Variants in NOBOX observed in about 807,000 individuals in gnomAD.
The protein encoded by NOBOX is homeobox protein NOBOX.
Under a neutral mutation model 60.2 loss-of-function variants are expected in NOBOX, and 46 were observed. That is an observed-to-expected ratio of 0.76 (90% CI 0.60 to 0.98). The LOEUF (loss-of-function observed/expected upper bound fraction) is 0.98, where lower values mean the gene tolerates loss of function less well. Among genes scored for constraint, NOBOX ranks in the 50% least tolerant of loss-of-function variants. The pLI is 0.00. For synonymous variants in NOBOX, 360 were observed against 346.3 expected, an observed-to-expected ratio of 1.04 and a Z score of -0.44; for missense variants, 880 against 865.5, an observed-to-expected ratio of 1.02 and a Z score of -0.21.
intron 1 of NOBOX, among the ~76,000 whole-genome samples, chr7:144,407,436 G>A (rs993475456): frequency 8.5e-5 from 13 of 152,322 alleles, no homozygotes; most frequent in South Asian, 4.1e-4. Flanking sequence ...CAGGGAGATC[G>A]TAGTCACAGC....
chr7:144,407,319 A>G (rs1398424588), intron 1 of NOBOX, among the ~76,000 whole-genome samples: 1 of 152,206 alleles, frequency 6.6e-6, no homozygotes, highest in Non-Finnish European at 1.5e-5. Flanking sequence ...TCTATGGGCC[A>G]CACCCCAGTG....
At chr7:144,408,481 C>T (rs1332794090) in intron 1 of NOBOX, among the ~76,000 whole-genome samples, 1 of 152,144 alleles carries the variant, frequency 6.6e-6, no homozygotes, top group African/African-American at 2.4e-5. Context: ...CTATTCAGGC[C>T]CGGTGCTTTC....
At chr7:144,398,904 C>T (rs2053914666) in intron 8 of NOBOX, 46 bp downstream of exon 6, 5 of 1,069,094 alleles carry the variant, frequency 4.7e-6, no homozygotes, top group Non-Finnish European at 7.0e-6. Flanking sequence ...CACCCCCCTA[C>T]CCCCACCCAG....
At chr7:144,407,701 G>T (rs1359227850) in intron 1 of NOBOX, among the ~76,000 whole-genome samples, 1 of 152,238 alleles carries the variant, frequency 6.6e-6, no homozygotes, top group African/African-American at 2.4e-5. Flanking sequence ...GCCCAGAAAA[G>T]GATGGTTTCA....
At chr7:144,408,940 A>T (rs567445349) in intron 1 of NOBOX, among the ~76,000 whole-genome samples, 15 of 152,234 alleles carry the variant, frequency 9.9e-5, no homozygotes, top group Non-Finnish European at 2.2e-4. Context: ...GTGAAATCTG[A>T]GTAAGGTCAC....
Position 144,404,574 on chromosome 7 carries a change from A to G in NOBOX, c.192T>C (p.Ala64=), listed in dbSNP as rs776226303. The G allele has an allele frequency of 6.2e-7, 1 of 1,613,446 alleles. No homozygotes were observed. Among genetic ancestry groups the G allele is most frequent in the Non-Finnish European group, 8.5e-7 (1 of 1,179,794 alleles). ...CCCGTACTGATTTGAGGGTCTCCAG[A>G]GCACAAAGGCTGCACCGGATGATGA... Residue 64 remains alanine, a synonymous_variant, in exon 2 of 10, where the codon GCT becomes GCC. Coordinates refer to ENST00000467773, the MANE Select transcript of NOBOX (RefSeq NM_001080413.3).
At chr7:144,405,672 C>G (rs1245851859) in intron 1 of NOBOX, among the ~76,000 whole-genome samples, 1 of 152,102 alleles carries the variant, frequency 6.6e-6, no homozygotes, top group African/African-American at 2.4e-5. Context: ...GTGTTGCCCA[C>G]CTGGGTATTT....
chr7:144,403,888 G>C (rs1480740411), intron 2 of NOBOX, among the ~76,000 whole-genome samples, 195 bp from the exon 1 acceptor site: 1 of 151,902 alleles, frequency 6.6e-6, no homozygotes. Context: ...GGGCAGCTGC[G>C]AGGGCGGGGA....
chr7:144,404,930 G>GGT lies in NOBOX; in HGVS notation c.86-251_86-250insAC, dbSNP rs542788922. Reference sequence around the variant, plus strand: ...AGAAACAGGTGCTTGGAGCTGGGTGGGGAGCGGGGCGGCCTGGAACAGAAT... The same window carrying GGT: ...AGAAACAGGTGCTTGGAGCTGGGTGGGTGGAGCGGGGCGGCCTGGAACAGAAT... On this transcript the variant is annotated intron_variant, in intron 1 of 9. Coordinates refer to ENST00000467773, the MANE Select transcript of NOBOX (RefSeq NM_001080413.3). Among the ~76,000 whole-genome samples, 292 of 151,820 alleles carry GGT rather than the reference G, an allele frequency of 1.9e-3. 2 individuals carry two copies. Among genetic ancestry groups the GGT allele is most frequent in the African/African-American group, 6.9e-3 (286 of 41,528 alleles).
In NOBOX at chr7:144,403,423, T is replaced by G. The variant is rs1407942447; in HGVS notation, c.210+1133A>C. ...TCCCAGGGTTCTCTCCCCTGCGCGC[T>G]GGGAGACTGGAGGCGGGCAGGGGGC... On this transcript the variant is annotated intron_variant, in intron 2 of 9. Coordinates refer to ENST00000467773, the MANE Select transcript of NOBOX (RefSeq NM_001080413.3). Among the ~76,000 whole-genome samples the G allele has an allele frequency of 2.0e-5, 3 of 151,372 alleles. No homozygotes were observed. In the East Asian group the frequency reaches 5.9e-4, roughly 30 times the overall value.
chr7:144,399,677 C>T (rs2053922057), intron 6 of NOBOX, 80 bp downstream of exon 4: 1 of 1,278,772 alleles, frequency 7.8e-7, no homozygotes, highest in Non-Finnish European at 1.1e-6. Context: ...TTCCAATGGT[C>T]TCCTTCTAGA....
Position 144,401,356 on chromosome 7 carries a change from G to A in NOBOX, c.534C>T (p.Pro178=). The change falls in exon 4 of 10, where the codon CCC becomes CCT. Residue 178 remains proline, a synonymous_variant. Coordinates refer to ENST00000467773, the MANE Select transcript of NOBOX (RefSeq NM_001080413.3). The surrounding 1 kb of genome is among the most constrained non-coding windows in gnomAD (Gnocchi z 4.2). ...GGGAACAATCTTCCCCCTGAGTCTG[G>A]GGCCTGGAGCGGGCTAGAGTTCTGT... is the stretch of plus-strand genomic sequence containing the variant. 1.2e-6 allele frequency: 2 copies of A among 1,613,842 alleles called. No homozygotes were observed. Among genetic ancestry groups the A allele is most frequent in the Non-Finnish European group, 1.7e-6 (2 of 1,179,834 alleles).
In NOBOX at chr7:144,401,510, T is replaced by G; in HGVS notation, c.380A>C (p.Gln127Pro). ...GCAGGAGGGTGGCAGTTCCTCACTC[T>G]GAGTGTCCTGAGCATGAGGGGCTGA... Residue 127 changes from glutamine (Q) to proline (P), a missense_variant, in exon 4 of 10, where the codon CAG (glutamine) becomes CCG (proline). Gln to Pro is a moderately conservative substitution (Grantham distance 76). Coordinates refer to ENST00000467773, the MANE Select transcript of NOBOX (RefSeq NM_001080413.3). The surrounding 1 kb of genome is among the most constrained non-coding windows in gnomAD (Gnocchi z 4.2). 6.5e-7 allele frequency: 1 copy of G among 1,528,744 alleles called. No individual in the cohort carries two copies. Among genetic ancestry groups the G allele is most frequent in the Non-Finnish European group, 8.8e-7 (1 of 1,142,272 alleles). The allele number at this position is 1,528,744 out of a possible 1,614,324, so 94.7% of individuals were successfully genotyped here.
intron 2 of NOBOX, 144 bp downstream of exon 1, chr7:144,403,513 C>CCCCCCT: frequency 6.5e-6 from 2 of 309,452 alleles, no homozygotes; most frequent in South Asian, 2.7e-5. Context: ...GGCCTCCTCC[C>CCCCCCT]ACCCTACCCC....
chr7:144,397,958 C>T (rs967171430), intron 9 of NOBOX, among the ~76,000 whole-genome samples: 1 of 152,160 alleles, frequency 6.6e-6, no homozygotes. Context: ...GTATCTAATC[C>T]TCACCAAGTC....
Position 144,399,135 on chromosome 7 carries a change from G to A in NOBOX, c.1284C>T (p.Thr428=). ...CCCTCTGAGCACCCTCACTGGGTTG[G>A]GTGGGGGCCAAAGTCTGGTCAGAAG... The change falls in exon 8 of 10, where the codon ACC becomes ACT. Residue 428 remains threonine, a synonymous_variant. Coordinates refer to ENST00000467773, the MANE Select transcript of NOBOX (RefSeq NM_001080413.3). 5.7e-6 allele frequency: 9 copies of A among 1,575,932 alleles called. No homozygotes were observed. Among genetic ancestry groups the A allele is most frequent in the Middle Eastern group, 1.7e-4 (1 of 5,904 alleles).
chr7:144,402,068 G>T, intron 2 of NOBOX: 2 of 720,680 alleles, frequency 2.8e-6, no homozygotes, highest in Non-Finnish European at 4.8e-6. Flanking sequence ...GGACAAGAAA[G>T]GATTCGATTG....
At position 144,401,904 on chromosome 7, in the gene NOBOX, A is replaced by T; in HGVS notation, c.257T>A (p.Ile86Lys). 3 of 1,612,636 alleles carry T rather than the reference A, an allele frequency of 1.9e-6. No homozygotes were observed. Among genetic ancestry groups the T allele is most frequent in the Non-Finnish European group, 1.7e-6 (2 of 1,178,780 alleles). ...TTCCCTTTTCCCAGACACCAGGGGT[A>T]TGAGTTTGAGGGACTGTTCAGGTAT... Residue 86 changes from isoleucine (I) to lysine (K), a missense_variant, in exon 3 of 10, where the codon ATA (isoleucine) becomes AAA (lysine). Ile to Lys is a moderately radical substitution (Grantham distance 102). Coordinates refer to ENST00000467773, the MANE Select transcript of NOBOX (RefSeq NM_001080413.3). This position sits in a 1 kb window ranked among gnomAD's most constrained non-coding sequence, Gnocchi z 4.2.
chr7:144,402,385 G>A (rs572875467), intron 2 of NOBOX, among the ~76,000 whole-genome samples: 5 of 152,256 alleles, frequency 3.3e-5, no homozygotes, highest in East Asian at 1.9e-4. Flanking sequence ...CAGGCATGGC[G>A]CTAAGCACCT....
Sources: gnomAD v4.1 joint callset for allele counts (sites outside exome capture counted in the v4.1 genomes callset) on GRCh38, gnomAD v4.1.1 for gene constraint, Gnocchi (gnomAD v3.1) non-coding constraint, MANE v1.5 for transcripts, NCBI Gene and HGNC (gene_info 2026-07-23, HGNC 2026-07-21) for gene names.